Variants in CAP2 observed in about 807,000 individuals in gnomAD.
CAP2 encodes cyclase associated actin cytoskeleton regulatory protein 2, also known as adenylyl cyclase-associated protein 2.
In CAP2, 24 loss-of-function variants were observed where a neutral mutation model predicts 57.7. That is an observed-to-expected ratio of 0.42 (90% confidence interval 0.30 to 0.58). CAP2 has a LOEUF of 0.58. Among genes scored for constraint, CAP2 ranks in the 20% least tolerant of loss-of-function variants. CAP2 has a pLI of 0.22. For synonymous variants in CAP2, 194 were observed against 207.2 expected, an observed-to-expected ratio of 0.94 and a Z score of 0.55; for missense variants, 501 against 590.3, an observed-to-expected ratio of 0.85 and a Z score of 1.57.
At chr6:17,407,479 G>GA (rs71536728) in intron 1 of CAP2, among the ~76,000 whole-genome samples, 8,666 of 131,214 alleles carry the variant, frequency 0.066, 272 homozygotes, top group Middle Eastern at 0.08. Context: ...AACCTGTCTT[G>GA]AAAAAAAAAA....
chr6:17,536,241 G>A (rs1164342186), intron 7 of CAP2: 1 of 456,778 alleles, frequency 2.2e-6, no homozygotes, highest in Non-Finnish European at 4.4e-6. Context: ...CCCACAGAAT[G>A]AGAAGAGACG....
chr6:17,494,967 A>T (rs188186622), intron 4 of CAP2, among the ~76,000 whole-genome samples: 23 of 152,284 alleles, frequency 1.5e-4, no homozygotes, highest in Admixed American at 1.0e-3. Context: ...TTGGACTCGA[A>T]TTGAAAGATC....
chr6:17,451,451 T>C (rs552054013), intron 3 of CAP2, among the ~76,000 whole-genome samples: 186 of 152,284 alleles, frequency 1.2e-3, no homozygotes, highest in Non-Finnish European at 2.3e-3. Flanking sequence ...TGTGTTCCTG[T>C]CTTGTTTCCC....
Position 17,421,691 on chromosome 6 carries a change from T to G in CAP2, c.121+15T>G. The G allele has an allele frequency of 6.2e-7, 1 of 1,614,002 alleles. No individual in the cohort carries two copies. Among genetic ancestry groups the G allele is most frequent in the South Asian group, 1.1e-5 (1 of 91,074 alleles). On this transcript the variant is annotated intron_variant, in intron 2 of 12. Coordinates refer to ENST00000229922, the MANE Select transcript of CAP2 (RefSeq NM_006366.3). ...TGTCATTGCAGGTAGGGTCACAAAC[T>G]GTTGTCATTCCTGGTCTTCTTGTGG... is the stretch of plus-strand genomic sequence containing the variant.
intron 7 of CAP2, among the ~76,000 whole-genome samples, chr6:17,529,634 C>A (rs1762590479): frequency 1.0e-5 from 1 of 97,536 alleles, no homozygotes; most frequent in Admixed American, 1.1e-4. Flanking sequence ...GAGCAAGACT[C>A]CGTCTCAAAA....
chr6:17,529,651 A>AAAAAAT (rs10656588), intron 7 of CAP2, among the ~76,000 whole-genome samples: 3,149 of 134,342 alleles, frequency 0.023, 49 homozygotes, highest in Middle Eastern at 0.034. Context: ...AAAAAAAAAA[A>AAAAAAT]ATATATATAT....
Position 17,422,346 on chromosome 6 carries a change from C to CTT in CAP2, c.121+690_121+691dup, listed in dbSNP as rs11320178. Among the ~76,000 whole-genome samples, 68 of 90,248 alleles carry CTT rather than the reference C, an allele frequency of 7.5e-4. 1 individual carries two copies. The highest frequency in any genetic ancestry group is 1.4e-3 in the East Asian group (5 of 3,586). The allele number at this position is 90,248 out of a possible 152,430, so 59.2% of individuals were successfully genotyped here. A position where few individuals can be genotyped will look rare whatever the true frequency, so the allele number is the denominator to read the frequency against. ...CTTTGCCTATTCCTAACCAACTATG[C>CTT]TTTTTTTTTTTTTTTTTTTTTGAGT... On this transcript the variant is annotated intron_variant, in intron 2 of 12. Coordinates refer to ENST00000229922, the MANE Select transcript of CAP2 (RefSeq NM_006366.3).
chr6:17,492,742 T>C (rs1761574270), intron 4 of CAP2, among the ~76,000 whole-genome samples: 1 of 152,142 alleles, frequency 6.6e-6, no homozygotes. Flanking sequence ...ATTAATAAAA[T>C]CTCCCCTCCT....
intron 3 of CAP2, among the ~76,000 whole-genome samples, chr6:17,429,464 A>T (rs1047611433): frequency 6.6e-6 from 1 of 152,326 alleles, no homozygotes; most frequent in African/African-American, 2.4e-5. Context: ...TGCATTTTTT[A>T]AAAAAGTAAG....
chr6:17,457,285 C>T lies in CAP2; in HGVS notation c.223-5711C>T, dbSNP rs1485761235. Among the ~76,000 whole-genome samples the T allele has an allele frequency of 2.0e-5, 3 of 152,320 alleles. No homozygotes were observed. The South Asian group carries it at 6.2e-4, about 32-fold the overall frequency. On this transcript the variant is annotated intron_variant, in intron 3 of 12. Transcript: ENST00000229922. The stretch of plus-strand genomic sequence containing the variant: ...TGTGATGGACAAACTCAGCAAAACC[C>T]CTCGATTATTTGTCGTTACTGAAAA...
At chr6:17,418,948 C>A (rs1381141534) in intron 1 of CAP2, among the ~76,000 whole-genome samples, 1 of 152,052 alleles carries the variant, frequency 6.6e-6, no homozygotes, top group Non-Finnish European at 1.5e-5. Context: ...TGAGAAATTT[C>A]TAATTTTGAA....
Position 17,539,261 on chromosome 6 carries a change from C to G in CAP2, c.637-8C>G. 6.2e-7 allele frequency: 1 copy of G among 1,600,416 alleles called. No individual in the cohort carries two copies. The highest frequency in any genetic ancestry group is 8.5e-7 in the Non-Finnish European group (1 of 1,172,018). On this transcript the variant is annotated splice_polypyrimidine_tract_variant and splice_region_variant and intron_variant, in intron 7 of 12. Transcript: ENST00000229922. The stretch of plus-strand genomic sequence containing the variant: ...TGCAATGCAATGCCCTGTCTTCTGT[C>G]TTCTCAGGGTCCTGTAGCATCCACA...
rs544559311 is a variant in CAP2 at position 17,556,470 on chromosome 6, T to C, written c.*28T>C. 6.6e-5 allele frequency: 96 copies of C among 1,454,204 alleles called. No individual in the cohort carries two copies. The East Asian group carries it at 2.0e-3, about 30-fold the overall frequency. The allele number at this position is 1,454,204 out of a possible 1,614,324, so 90.1% of individuals were successfully genotyped here. A position where few individuals can be genotyped will look rare whatever the true frequency, so the allele number is the denominator to read the frequency against. On this transcript the variant is annotated 3_prime_UTR_variant, in exon 13 of 13. Coordinates refer to ENST00000229922, the MANE Select transcript of CAP2 (RefSeq NM_006366.3). ...TCCTGAGAGACCGAACCCCCTCACC[T>C]GAATCCCCCTCTATCAAACAAACAA...
chr6:17,394,865 C>A (rs1451483822), intron 1 of CAP2, among the ~76,000 whole-genome samples: 1 of 152,100 alleles, frequency 6.6e-6, no homozygotes, highest in Non-Finnish European at 1.5e-5. Context: ...TCCTACGGCA[C>A]CAAACAGTAT....
intron 7 of CAP2, among the ~76,000 whole-genome samples, chr6:17,530,444 A>G (rs551566642): frequency 6.6e-6 from 1 of 152,226 alleles, no homozygotes; most frequent in South Asian, 2.1e-4. Context: ...ACTGCTACCT[A>G]GAGATCATTA....
intron 7 of CAP2, among the ~76,000 whole-genome samples, chr6:17,517,289 G>A (rs183465432): frequency 6.6e-6 from 1 of 152,298 alleles, no homozygotes; most frequent in East Asian, 1.9e-4. Context: ...ATTCTCTAAT[G>A]GTGCCCATGG....
chr6:17,423,251 A>G (rs1348579293), intron 2 of CAP2, among the ~76,000 whole-genome samples: 1 of 152,214 alleles, frequency 6.6e-6, no homozygotes, highest in South Asian at 2.1e-4. Flanking sequence ...GTGAGCACAA[A>G]TGTGCTGGCT....
At position 17,404,841 on chromosome 6, in the gene CAP2, C is replaced by A. The variant is rs946098345; in HGVS notation, c.-2+11095C>A. 3.3e-5 allele frequency among the ~76,000 whole-genome samples: 5 copies of A among 151,534 alleles called. No homozygotes were observed. The East Asian group carries it at 9.7e-4, about 29-fold the overall frequency. On this transcript the variant is annotated intron_variant, in intron 1 of 12. Coordinates refer to ENST00000229922, the MANE Select transcript of CAP2 (RefSeq NM_006366.3). ...TCTCAAAAGAGGATAACAGCCATTA[C>A]ATTTTATTTATTTCTTTGTAGGCAG...
intron 4 of CAP2, among the ~76,000 whole-genome samples, chr6:17,479,213 G>A (rs572884187): frequency 2.2e-4 from 33 of 152,164 alleles, no homozygotes; most frequent in African/African-American, 7.7e-4. Context: ...ACACCTGTAC[G>A]TGTGTGTACA....
Sources: gnomAD v4.1 joint callset for allele counts (sites outside exome capture counted in the v4.1 genomes callset) on GRCh38, gnomAD v4.1.1 for gene constraint, MANE v1.5 for transcripts, NCBI Gene and HGNC (gene_info 2026-07-23, HGNC 2026-07-21) for gene names.